Variants in AFDN observed in about 807,000 individuals in gnomAD.
AFDN encodes afadin.
In AFDN, 68 loss-of-function variants were observed where a neutral mutation model predicts 216.6. That is an observed-to-expected ratio of 0.31 (90% CI 0.26 to 0.38). The LOEUF (loss-of-function observed/expected upper bound fraction) is 0.38. Among genes scored for constraint, AFDN ranks in the 10% least tolerant of loss-of-function variants. The pLI is 1.00. For missense variants in AFDN, 2,136 were observed against 2,342.0 expected (o/e 0.91, Z 1.82); for synonymous variants, 868 against 853.7 (o/e 1.02, Z -0.29).
chr6:167,947,757 G>C (rs1182696711), intron 27 of AFDN, 96 bp from the exon 28 acceptor site: 5 of 715,918 alleles, frequency 7.0e-6, no homozygotes, highest in Non-Finnish European at 1.2e-5. Flanking sequence ...CTCACTAGCA[G>C]TATGAAGATG....
At chr6:167,835,381 A>C (rs1428977962) in intron 1 of AFDN, among the ~76,000 whole-genome samples, 1 of 152,232 alleles carries the variant, frequency 6.6e-6, no homozygotes, top group African/African-American at 2.4e-5. Context: ...TCAAGTAAAA[A>C]AATGGTGTTC....
At chr6:167,966,976 C>T (rs932166205) in intron 32 of AFDN, among the ~76,000 whole-genome samples, 1 of 152,206 alleles carries the variant, frequency 6.6e-6, no homozygotes, top group East Asian at 1.9e-4. Context: ...CGTGCAGCTG[C>T]CGTTAGGGAA....
chr6:167,952,162 G>T lies in AFDN; in HGVS notation c.4808G>T (p.Arg1603Leu), dbSNP rs372710817. The change falls in exon 30 of 34, where the codon CGC (arginine) becomes CTC (leucine). Residue 1603 changes from arginine (R) to leucine (L), a missense_variant. Physicochemically the swap from Arg to Leu is moderately radical, Grantham distance 102. Transcript: ENST00000683244. ...DDVDTMLIMQ[R>L]LEAERRARLQ... The stretch of plus-strand genomic sequence containing the variant: ...GTGGACACCATGCTGATCATGCAGC[G>T]CCTGGAGGCTGAACGAAGAGCGAGG... The T allele has an allele frequency of 6.2e-7, 1 of 1,614,044 alleles. No individual in the cohort carries two copies. Among genetic ancestry groups the T allele is most frequent in the Non-Finnish European group, 8.5e-7 (1 of 1,180,026 alleles).
intron 31 of AFDN, among the ~76,000 whole-genome samples, chr6:167,965,276 G>A (rs1227441048): frequency 1.3e-5 from 2 of 152,180 alleles, no homozygotes; most frequent in South Asian, 4.1e-4. Flanking sequence ...GGGGCTCAGT[G>A]AAAAAGAGTG....
At chr6:167,832,943 AC>A (rs1358008447) in intron 1 of AFDN, among the ~76,000 whole-genome samples, 10 of 152,236 alleles carry the variant, frequency 6.6e-5, no homozygotes, top group African/African-American at 2.4e-4. Flanking sequence ...CCCTGTGAGT[AC>A]AAGTGGGCAC....
rs571820157 is a variant in AFDN at position 167,952,097 on chromosome 6, G to A, written c.4743G>A (p.Lys1581=). The A allele has an allele frequency of 1.2e-6, 2 of 1,614,152 alleles. No homozygotes were observed. Among genetic ancestry groups the A allele is most frequent in the South Asian group, 2.2e-5 (2 of 91,084 alleles). ...TCCAGAAGAGACTCCAGGAGTCGAA[G>A]CAGAAGGACGAAGATGACGAGGAGG... ...WQFQKRLQES[K]QKDEDDEEEE... The change falls in exon 30 of 34, where the codon AAG becomes AAA. Residue 1581 remains lysine, a synonymous_variant. Transcript: ENST00000683244.
intron 9 of AFDN, 56 bp from the exon 10 acceptor site, chr6:167,896,822 A>T: frequency 2.9e-6 from 3 of 1,033,062 alleles, no homozygotes; most frequent in Non-Finnish European, 4.5e-6. Context: ...GTTGGAAATA[A>T]CATGACAGTA....
At chr6:167,922,753 T>A (rs1449553796) in intron 21 of AFDN, 103 bp from the exon 22 acceptor site, 3 of 714,504 alleles carry the variant, frequency 4.2e-6, no homozygotes, top group Non-Finnish European at 7.4e-6. Context: ...GTAAGAAGAA[T>A]CAATACCGTG....
At chr6:167,826,738 G>C (rs753362402), upstream of AFDN, 2 of 383,368 alleles carry the variant, frequency 5.2e-6, no homozygotes, top group Non-Finnish European at 1.0e-5. Context: ...AGCACCGCGC[G>C]GGGCCCGCCC....
rs1797102279 is a variant in AFDN at position 167,962,186 on chromosome 6, GC to G, written c.4834-245del. Reference sequence around the variant, plus strand: ...TGTAGATGATAAATTCCATCTTATAGCCATGATTAATGGAGGAATAACTGGG... The same window carrying G: ...TGTAGATGATAAATTCCATCTTATAGCATGATTAATGGAGGAATAACTGGG... On this transcript the variant is annotated intron_variant, in intron 30 of 33. Coordinates refer to ENST00000683244, the MANE Select transcript of AFDN (RefSeq NM_001386888.1). The surrounding 1 kb of genome is among the most constrained non-coding windows in gnomAD (Gnocchi z 5.2). Among the ~76,000 whole-genome samples the G allele has an allele frequency of 6.6e-6, 1 of 152,170 alleles. No individual in the cohort carries two copies. The highest frequency in any genetic ancestry group is 1.5e-5 in the Non-Finnish European group (1 of 68,038).
chr6:167,856,115 T>G (rs1038145434), intron 1 of AFDN, among the ~76,000 whole-genome samples: 2 of 152,170 alleles, frequency 1.3e-5, no homozygotes, highest in Non-Finnish European at 2.9e-5. Context: ...GTTAGTCACA[T>G]ATAGCTGCCT....
intron 19 of AFDN, 47 bp downstream of exon 19, chr6:167,915,480 C>T (rs754637052): frequency 1.9e-6 from 3 of 1,549,032 alleles, no homozygotes; most frequent in Non-Finnish European, 2.6e-6. Context: ...ATGATAAAGG[C>T]ATCTGATCTT....
rs150601242 is a variant in AFDN at position 167,962,556 on chromosome 6, G to T, written c.4957G>T (p.Ala1653Ser). The T allele has an allele frequency of 6.2e-7, 1 of 1,613,800 alleles. No homozygotes were observed. The highest frequency in any genetic ancestry group is 2.2e-5 in the East Asian group (1 of 44,888). The part of the protein sequence containing the change: ...RQEEERTKRD[A>S]EEKRRQEEGY... ...GGAGGAGGAGCGAACAAAACGAGACGCTGAAGAAAAGGTTATGGTCCTTTA... is the reference window on the plus strand; with the variant it reads ...GGAGGAGGAGCGAACAAAACGAGACTCTGAAGAAAAGGTTATGGTCCTTTA... Residue 1653 changes from alanine to serine, a missense_variant, in exon 31 of 34, where the codon GCT becomes TCT. Ala to Ser is a moderately conservative substitution (Grantham distance 99). Coordinates refer to ENST00000683244, the MANE Select transcript of AFDN (RefSeq NM_001386888.1). The surrounding 1 kb of genome is among the most constrained non-coding windows in gnomAD (Gnocchi z 5.2).
At chr6:167,899,894 T>G (rs1788731364) in intron 11 of AFDN, among the ~76,000 whole-genome samples, 1 of 152,212 alleles carries the variant, frequency 6.6e-6, no homozygotes, top group Admixed American at 6.5e-5. Context: ...TAAACACAAT[T>G]CTAGTAGCAG....
intron 31 of AFDN, chr6:167,963,835 T>C: frequency 9.4e-7 from 1 of 1,063,642 alleles, no homozygotes; most frequent in Non-Finnish European, 1.1e-6. Flanking sequence ...GCTGAGCCGC[T>C]TGATGTCTAA....
intron 2 of AFDN, among the ~76,000 whole-genome samples, chr6:167,866,056 T>C (rs923291921): frequency 6.6e-6 from 1 of 152,194 alleles, no homozygotes; most frequent in African/African-American, 2.4e-5. Flanking sequence ...GAGTTTTTCC[T>C]TTACCTTAGA....
chr6:167,848,433 T>C (rs535981271), intron 1 of AFDN, among the ~76,000 whole-genome samples: 1 of 152,216 alleles, frequency 6.6e-6, no homozygotes, highest in Non-Finnish European at 1.5e-5. Flanking sequence ...TGAGTAGATA[T>C]AGTTTATTTA....
intron 5 of AFDN, among the ~76,000 whole-genome samples, chr6:167,878,058 C>G (rs1280616630): frequency 1.3e-5 from 2 of 151,992 alleles, no homozygotes; most frequent in Admixed American, 1.3e-4. Flanking sequence ...ACTCTACTAC[C>G]ATTTATTGTT....
intron 23 of AFDN, among the ~76,000 whole-genome samples, chr6:167,931,054 C>T (rs1450582625): frequency 1.3e-5 from 2 of 152,110 alleles, no homozygotes; most frequent in African/African-American, 2.4e-5. Context: ...AGGACAAAGG[C>T]GTTCTGGAAC....
Sources: gnomAD v4.1 joint callset for allele counts (sites outside exome capture counted in the v4.1 genomes callset) on GRCh38, gnomAD v4.1.1 for gene constraint, Gnocchi (gnomAD v3.1) non-coding constraint, MANE v1.5 for transcripts, NCBI Gene and HGNC (gene_info 2026-07-23, HGNC 2026-07-21) for gene names.